Variants in LDB2 observed in about 807,000 individuals in gnomAD.
LDB2 encodes LIM domain-binding protein 2.
LDB2 carries 12 observed loss-of-function variants against 44.3 expected under a neutral mutation model. That is an observed-to-expected ratio of 0.27 (90% CI 0.17 to 0.44). The LOEUF (loss-of-function observed/expected upper bound fraction) is 0.44, where lower values mean the gene tolerates loss of function less well. Ranked by LOEUF, LDB2 falls within the 20% of genes least tolerant of loss-of-function variation. The pLI is 1.00. For missense variants in LDB2, 344 were observed against 473.5 expected (o/e 0.73, Z 2.54); for synonymous variants, 164 against 174.8 (o/e 0.94, Z 0.49).
chr4:16,631,477 A>C (rs1731934583), intron 2 of LDB2, among the ~76,000 whole-genome samples: 1 of 152,214 alleles, frequency 6.6e-6, no homozygotes, highest in Admixed American at 6.5e-5. Context: ...CCACAAGAGA[A>C]AGCAGGAGAG....
chr4:16,713,409 A>C (rs1190634674), intron 2 of LDB2, among the ~76,000 whole-genome samples: 1 of 151,986 alleles, frequency 6.6e-6, no homozygotes, highest in Non-Finnish European at 1.5e-5. Context: ...GGAAGTGATG[A>C]GGGGAACTAA....
intron 1 of LDB2, among the ~76,000 whole-genome samples, chr4:16,792,362 A>G (rs1579710033): frequency 6.6e-6 from 1 of 152,338 alleles, no homozygotes; most frequent in African/African-American, 2.4e-5. Flanking sequence ...CCTATAAGAT[A>G]GATACTGATT....
intron 2 of LDB2, among the ~76,000 whole-genome samples, chr4:16,725,703 A>G (rs1759288668): frequency 6.6e-6 from 1 of 152,018 alleles, no homozygotes; most frequent in African/African-American, 2.4e-5. Flanking sequence ...TCTCAGGGAC[A>G]CACCTGAAGC....
At chr4:16,670,487 AC>A (rs1485747632) in intron 2 of LDB2, among the ~76,000 whole-genome samples, 1 of 152,224 alleles carries the variant, frequency 6.6e-6, no homozygotes, top group Non-Finnish European at 1.5e-5. Context: ...CACTTTGGCC[AC>A]AAAGTGATCT....
intron 5 of LDB2, among the ~76,000 whole-genome samples, chr4:16,514,983 C>T (rs1168760684): frequency 6.6e-6 from 1 of 152,196 alleles, no homozygotes. Flanking sequence ...GACACCTTTA[C>T]TCATATGTTC....
chr4:16,658,735 T>A (rs1740632804), intron 2 of LDB2, among the ~76,000 whole-genome samples: 1 of 152,200 alleles, frequency 6.6e-6, no homozygotes, highest in African/African-American at 2.4e-5. Context: ...AAACACTTTT[T>A]AAGCATCCAC....
chr4:16,684,461 G>A (rs114702887), intron 2 of LDB2, among the ~76,000 whole-genome samples: 476 of 152,222 alleles, frequency 3.1e-3, no homozygotes, highest in Non-Finnish European at 5.5e-3. Context: ...AATTCCAATC[G>A]TCAAGAATTT....
rs941412055 is a variant in LDB2 at position 16,573,520 on chromosome 4, C to T, written c.615+12402G>A. Among the ~76,000 whole-genome samples the T allele has an allele frequency of 2.6e-5, 4 of 152,290 alleles. No homozygotes were observed. In the South Asian group the frequency reaches 6.2e-4, roughly 24 times the overall value. ...GAACAGTTATAGTAGTCTTAAAGTT[C>T]TTATTCTCATTTTCTGAACTCATGA... On this transcript the variant is annotated intron_variant, in intron 5 of 7. Transcript: ENST00000304523.
At chr4:16,505,877 C>G in intron 7 of LDB2, 1 of 1,551,350 alleles carries the variant, frequency 6.4e-7, no homozygotes, top group Non-Finnish European at 8.7e-7. Context: ...TTCAGGGCCC[C>G]TCAATGCTTC....
chr4:16,810,642 C>CCAATATT (rs1779665886), intron 1 of LDB2, among the ~76,000 whole-genome samples: 2 of 31,224 alleles, frequency 6.4e-5, no homozygotes, highest in Admixed American at 2.8e-4. Flanking sequence ...GGTTCAAATT[C>CCAATATT]ATGGTTATGG....
chr4:16,741,096 T>C (rs1347183130), intron 2 of LDB2, among the ~76,000 whole-genome samples: 2 of 152,256 alleles, frequency 1.3e-5, no homozygotes, highest in Non-Finnish European at 2.9e-5. Flanking sequence ...GCTTTGCTTC[T>C]GATTTGTATA....
chr4:16,856,771 G>C (rs1789439393), intron 1 of LDB2, among the ~76,000 whole-genome samples: 1 of 152,158 alleles, frequency 6.6e-6, no homozygotes. Context: ...AGCCCTATGA[G>C]ATAAATACTA....
At chr4:16,731,419 G>A (rs1458843298) in intron 2 of LDB2, among the ~76,000 whole-genome samples, 2 of 152,158 alleles carry the variant, frequency 1.3e-5, no homozygotes, top group Non-Finnish European at 2.9e-5. Flanking sequence ...TGTTAGAAGA[G>A]GCCATGTGAT....
intron 1 of LDB2, among the ~76,000 whole-genome samples, chr4:16,862,878 C>T (rs1399056453): frequency 6.6e-6 from 1 of 152,116 alleles, no homozygotes; most frequent in African/African-American, 2.4e-5. Context: ...CTTTGTGCAA[C>T]TGTTATAAAG....
At chr4:16,782,082 C>A (rs1773368850) in intron 1 of LDB2, among the ~76,000 whole-genome samples, 2 of 152,172 alleles carry the variant, frequency 1.3e-5, no homozygotes, top group Non-Finnish European at 2.9e-5. Context: ...AACAATTTGC[C>A]CACTTACTTA....
chr4:16,589,698 A>G (rs975535624), intron 3 of LDB2, among the ~76,000 whole-genome samples: 3 of 152,162 alleles, frequency 2.0e-5, no homozygotes, highest in African/African-American at 7.2e-5. Context: ...GCCTATTTCA[A>G]CTATGAGCTA....
chr4:16,665,579 C>T (rs1359592097), intron 2 of LDB2, among the ~76,000 whole-genome samples: 1 of 152,110 alleles, frequency 6.6e-6, no homozygotes, highest in African/African-American at 2.4e-5. Context: ...ATTAGATATT[C>T]TAGTTACTAA....
intron 4 of LDB2, among the ~76,000 whole-genome samples, chr4:16,586,520 ACACAC>A (rs1466849382): frequency 1.1e-3 from 98 of 86,598 alleles, no homozygotes; most frequent in African/African-American, 3.3e-3. Context: ...ACACACACAC[ACACAC>A]AAAACACACA....
intron 2 of LDB2, among the ~76,000 whole-genome samples, chr4:16,617,183 CT>C (rs1727569244): frequency 6.6e-6 from 1 of 152,248 alleles, no homozygotes; most frequent in Admixed American, 6.5e-5. Flanking sequence ...CAGACATGAG[CT>C]GCAGTGACAG....
Sources: gnomAD v4.1 joint callset for allele counts (sites outside exome capture counted in the v4.1 genomes callset) on GRCh38, gnomAD v4.1.1 for gene constraint, MANE v1.5 for transcripts, NCBI Gene and HGNC (gene_info 2026-07-23, HGNC 2026-07-21) for gene names.